The following LETM1 variants were observed in gnomAD, a reference collection of about 807,000 sequenced individuals.
LETM1 encodes the protein mitochondrial proton/calcium exchanger protein.
Under a neutral mutation model 74.5 loss-of-function variants are expected in LETM1, and 50 were observed. That is an observed-to-expected ratio of 0.67 (90% CI 0.53 to 0.85). The LOEUF (loss-of-function observed/expected upper bound fraction) is 0.85. Among genes scored for constraint, LETM1 ranks in the 40% least tolerant of loss-of-function variants. LETM1 has a pLI of 0.00. For missense variants in LETM1, 824 were observed against 967.8 expected, an observed-to-expected ratio of 0.85 and a Z score of 1.97; for synonymous variants, 446 against 407.1, an observed-to-expected ratio of 1.10 and a Z score of -1.15.
chr4:1,846,960 T>G (rs779085060), intron 2 of LETM1, among the ~76,000 whole-genome samples: 1 of 152,154 alleles, frequency 6.6e-6, no homozygotes, highest in African/African-American at 2.4e-5. Flanking sequence ...AATGATCACT[T>G]AGAAAAGATA....
intron 1 of LETM1, among the ~76,000 whole-genome samples, chr4:1,854,656 G>C (rs1268930201): frequency 6.6e-6 from 1 of 152,046 alleles, no homozygotes; most frequent in East Asian, 1.9e-4. Flanking sequence ...AGCCAGTCGT[G>C]ATGGCGGGTG....
Position 1,825,656 on chromosome 4 carries a change from G to C in LETM1, c.1108C>G (p.Leu370Val). 1 of 1,613,922 alleles carries C rather than the reference G, an allele frequency of 6.2e-7. No individual in the cohort carries two copies. The change falls in exon 7 of 14, where the codon CTG becomes GTG. Residue 370 changes from leucine to valine, a missense_variant. Coordinates refer to ENST00000302787, the MANE Select transcript of LETM1 (RefSeq NM_012318.3). ...GCTGCCTGCAGCTCCTTGACATTCA[G>C]GCTGTCCACCCCTTCCTCAGCAATC... ...KLIAEEGVDSLNVKELQAACR... is the reference protein window; with the variant it reads ...KLIAEEGVDSVNVKELQAACR...
intron 6 of LETM1, among the ~76,000 whole-genome samples, chr4:1,829,500 A>C (rs955571754): frequency 1.3e-5 from 2 of 152,246 alleles, no homozygotes; most frequent in Non-Finnish European, 2.9e-5. Context: ...ATTGTCATTC[A>C]AATTTTCCCC....
chr4:1,834,023 G>GC lies in LETM1; in HGVS notation c.876+821_876+822insG, dbSNP rs1477815347. Reference sequence around the variant, plus strand: ...CTGGAACCACCACCCACTCCCTGGGGGGCTCAGCAGCCCCATGGCTGTGTC... The same window carrying GC: ...CTGGAACCACCACCCACTCCCTGGGGCGGCTCAGCAGCCCCATGGCTGTGTC... On this transcript the variant is annotated intron_variant, in intron 5 of 13. Coordinates refer to ENST00000302787, the MANE Select transcript of LETM1 (RefSeq NM_012318.3). This position sits in a 1 kb window ranked among gnomAD's most constrained non-coding sequence, Gnocchi z 5.0. 1 of 152,300 alleles carries GC rather than the reference G, an allele frequency of 6.6e-6. No homozygotes were observed. The highest frequency in any genetic ancestry group is 1.5e-5 in the Non-Finnish European group (1 of 68,090). The allele number at this position is 152,300 out of a possible 1,614,324, so 9.4% of individuals were successfully genotyped here.
chr4:1,826,532 C>T (rs1386381976), intron 6 of LETM1, among the ~76,000 whole-genome samples: 1 of 152,246 alleles, frequency 6.6e-6, no homozygotes, highest in Admixed American at 6.5e-5. Context: ...TTCACAGACG[C>T]GCTTGTCTCC....
chr4:1,850,895 G>C (rs940427443), intron 1 of LETM1, among the ~76,000 whole-genome samples: 3 of 150,796 alleles, frequency 2.0e-5, no homozygotes, highest in African/African-American at 7.4e-5. Context: ...GAACCCTCCG[G>C]GAGGCAGAGG....
At chr4:1,828,167 G>A (rs1370613097) in intron 6 of LETM1, among the ~76,000 whole-genome samples, 7 of 118,268 alleles carry the variant, frequency 5.9e-5, no homozygotes, top group Admixed American at 2.3e-4. Context: ...CCCAGTAGGG[G>A]CGGCCGGGCA....
intron 5 of LETM1, chr4:1,833,839 G>A (rs1460367462): frequency 6.6e-6 from 1 of 152,276 alleles, no homozygotes; most frequent in Non-Finnish European, 1.5e-5. Flanking sequence ...GTGCTCCTGG[G>A]GGCGGCCCTA....
chr4:1,832,780 A>G lies in LETM1; in HGVS notation c.1044T>C (p.Leu348=), dbSNP rs149533538. ...CCTTTATGGAGCGCAGCCGCATGGT[A>G]AGCTGGAAGCGCAGGAAGTTGTTGG... is the stretch of plus-strand genomic sequence containing the variant. The part of the protein sequence containing the change: ...IGTNNFLRFQ[L]TMRLRSIKAD... The change falls in exon 6 of 14, where the codon CTT becomes CTC. Residue 348 remains leucine (L), a synonymous_variant. Transcript: ENST00000302787. 1,534 of 1,614,210 alleles carry G rather than the reference A, an allele frequency of 9.5e-4. 2 individuals carry two copies. The highest frequency in any genetic ancestry group is 1.2e-3 in the Non-Finnish European group (1,406 of 1,180,038).
intron 2 of LETM1, among the ~76,000 whole-genome samples, chr4:1,842,471 G>C (rs993825494): frequency 1.3e-5 from 2 of 152,262 alleles, no homozygotes; most frequent in Admixed American, 1.3e-4. Context: ...TCATGCCCTT[G>C]CTTCACTCAG....
At chr4:1,837,598 G>A (rs1712501638) in intron 3 of LETM1, among the ~76,000 whole-genome samples, 1 of 151,554 alleles carries the variant, frequency 6.6e-6, no homozygotes, top group South Asian at 2.1e-4. Flanking sequence ...TTCTACTGAG[G>A]TGTAATTTAC....
chr4:1,832,651 CAG>C (rs1287973970), intron 6 of LETM1, 91 bp downstream of exon 6: 3 of 1,264,338 alleles, frequency 2.4e-6, no homozygotes, highest in Non-Finnish European at 3.4e-6. Context: ...CAGCATCTTC[CAG>C]AGTTTCTACA....
intron 1 of LETM1, among the ~76,000 whole-genome samples, chr4:1,853,456 C>G (rs886709255): frequency 6.6e-6 from 1 of 152,228 alleles, no homozygotes; most frequent in Non-Finnish European, 1.5e-5. Flanking sequence ...GGATGCTTCA[C>G]CTCTGTGGTC....
rs1713233771 is a variant in LETM1, at chr4:1,856,084, G to A, written c.-134C>T. 3 of 450,668 alleles carry A rather than the reference G, an allele frequency of 6.7e-6. No individual in the cohort carries two copies. The highest frequency in any genetic ancestry group is 1.1e-4 in the South Asian group (1 of 8,744). 27.9% of individuals were successfully genotyped at this position (450,668 alleles called of 1,614,324 possible). A position where few individuals can be genotyped will look rare whatever the true frequency, so the allele number is the denominator to read the frequency against. Reference sequence around the variant, plus strand: ...CTGACAGAGGCGGCTGGCCTCGGACGGGAGGCGCTCTCCTCAAGGACCCGG... The same window carrying A: ...CTGACAGAGGCGGCTGGCCTCGGACAGGAGGCGCTCTCCTCAAGGACCCGG... On this transcript the variant is annotated 5_prime_UTR_variant, in exon 1 of 14. Coordinates refer to ENST00000302787, the MANE Select transcript of LETM1 (RefSeq NM_012318.3).
intron 10 of LETM1, among the ~76,000 whole-genome samples, chr4:1,820,913 A>G (rs1273417919): frequency 6.6e-6 from 1 of 151,834 alleles, no homozygotes; most frequent in Non-Finnish European, 1.5e-5. Flanking sequence ...AATCCCAGCT[A>G]CTCGGGAGGC....
chr4:1,838,549 C>A (rs116148866), intron 3 of LETM1, among the ~76,000 whole-genome samples: 5 of 152,118 alleles, frequency 3.3e-5, no homozygotes, highest in Non-Finnish European at 7.3e-5. Context: ...TGACAGCGTG[C>A]GTCTGTGGTC....
At chr4:1,829,888 G>C (rs182877913) in intron 6 of LETM1, among the ~76,000 whole-genome samples, 1 of 151,958 alleles carries the variant, frequency 6.6e-6, no homozygotes, top group East Asian at 1.9e-4. Flanking sequence ...ACACACACAC[G>C]ATGCCTTTCT....
At chr4:1,817,689 A>G (rs1286246609) in intron 11 of LETM1, among the ~76,000 whole-genome samples, 3 of 152,256 alleles carry the variant, frequency 2.0e-5, no homozygotes, top group African/African-American at 7.2e-5. Flanking sequence ...CCTTGCAAGC[A>G]AAAGACATAG....
chr4:1,851,835 GT>G (rs2108858163), intron 1 of LETM1, among the ~76,000 whole-genome samples: 1 of 152,326 alleles, frequency 6.6e-6, no homozygotes, highest in Non-Finnish European at 1.5e-5. Context: ...TCCCTGATCT[GT>G]CCCCCAGTGA....
Sources: allele counts gnomAD v4.1 joint callset (sites outside exome capture counted in the v4.1 genomes callset), GRCh38; gene constraint gnomAD v4.1.1; non-coding constraint Gnocchi (gnomAD v3.1); transcripts MANE v1.5; gene names NCBI Gene and HGNC (gene_info 2026-07-23, HGNC 2026-07-21).